The following MOB2 variants were observed in gnomAD, a reference collection of about 807,000 sequenced individuals.
The protein encoded by MOB2 is MOB2 Mps One Binder homolog.
MOB2 carries 14 observed loss-of-function variants against 27.4 expected under a neutral mutation model. The observed-to-expected ratio is 0.51, with a 90% CI of 0.34 to 0.80. MOB2 has a LOEUF of 0.80. MOB2 is among the 30% of genes least tolerant of loss of function. The pLI, the probability that MOB2 is intolerant of heterozygous loss-of-function variation, is 0.01. For synonymous variants in MOB2, 167 were observed against 151.8 expected, an observed-to-expected ratio of 1.10 and a Z score of -0.74; for missense variants, 304 against 354.6, an observed-to-expected ratio of 0.86 and a Z score of 1.15.
rs78699039 is a variant in MOB2 at position 1,478,593 on chromosome 11, G to A, written c.365+1800C>T. On this transcript the variant is annotated intron_variant, in intron 3 of 4. Coordinates refer to ENST00000329957, the MANE Select transcript of MOB2 (RefSeq NM_001172223.3). Reference sequence around the variant, plus strand: ...CGCCGTCTGACTGCTGACAGAGGATGGCTGCCAAGGGCTTTTTCTTTGCCC... The same window carrying A: ...CGCCGTCTGACTGCTGACAGAGGATAGCTGCCAAGGGCTTTTTCTTTGCCC... Among the ~76,000 whole-genome samples the A allele has an allele frequency of 3.6e-3, 553 of 152,288 alleles. 4 individuals are homozygous for A. The highest frequency in any genetic ancestry group is 0.027 in the East Asian group (140 of 5,180).
chr11:1,482,749 G>A (rs1847928238), intron 1 of MOB2, among the ~76,000 whole-genome samples: 1 of 152,228 alleles, frequency 6.6e-6, no homozygotes, highest in Non-Finnish European at 1.5e-5. Flanking sequence ...TGGGGCAGGT[G>A]GACGGGCACT....
chr11:1,474,534 T>A (rs1411898667), intron 3 of MOB2, among the ~76,000 whole-genome samples: 1 of 152,236 alleles, frequency 6.6e-6, no homozygotes, highest in Non-Finnish European at 1.5e-5. Context: ...AATGACTGCT[T>A]TTCCCAGCAG....
chr11:1,482,971 C>T (rs1380493845), intron 1 of MOB2, among the ~76,000 whole-genome samples: 1 of 152,224 alleles, frequency 6.6e-6, no homozygotes, highest in Non-Finnish European at 1.5e-5. Flanking sequence ...CTGAGGCAGC[C>T]CATTGCTCGG....
At chr11:1,478,577 ACTG>A (rs1046710614) in intron 3 of MOB2, among the ~76,000 whole-genome samples, 7 of 152,148 alleles carry the variant, frequency 4.6e-5, no homozygotes, top group African/African-American at 1.7e-4. Context: ...CCGCCGTCTG[ACTG>A]CTGACAGAGG....
At chr11:1,482,816 C>T (rs548545243) in intron 1 of MOB2, among the ~76,000 whole-genome samples, 130 of 152,366 alleles carry the variant, frequency 8.5e-4, no homozygotes, top group African/African-American at 2.9e-3. Context: ...GCTCCAGGAA[C>T]GGCTGTGCGG....
chr11:1,476,312 G>A (rs1847851741), intron 3 of MOB2, among the ~76,000 whole-genome samples: 1 of 152,154 alleles, frequency 6.6e-6, no homozygotes, highest in South Asian at 2.1e-4. Flanking sequence ...GCCTATCTTA[G>A]GCGAGTTCTG....
intron 3 of MOB2, among the ~76,000 whole-genome samples, chr11:1,479,858 C>T (rs573220121): frequency 2.6e-5 from 4 of 152,366 alleles, no homozygotes; most frequent in African/African-American, 9.6e-5. Flanking sequence ...GGCCTGGCGG[C>T]GCTCCTTCCC....
intron 3 of MOB2, among the ~76,000 whole-genome samples, chr11:1,476,387 G>C (rs1489180423): frequency 6.6e-6 from 1 of 152,120 alleles, no homozygotes; most frequent in Non-Finnish European, 1.5e-5. Flanking sequence ...GTGCACAGAG[G>C]GTTTTTTTCC....
At chr11:1,481,717 GGGGC>G in intron 1 of MOB2, 1 of 7,472 alleles carries the variant, frequency 1.3e-4, no homozygotes, top group Admixed American at 8.9e-4. Context: ...GGCAGGAGCA[GGGGC>G]AGGGGCAGGG....
chr11:1,486,249 C>A (rs893972377), intron 1 of MOB2, among the ~76,000 whole-genome samples, 198 bp downstream of exon 1: 2 of 152,208 alleles, frequency 1.3e-5, no homozygotes, highest in African/African-American at 4.8e-5. Context: ...CAGGCTGGCC[C>A]GGGACTGCAC....
intron 3 of MOB2, among the ~76,000 whole-genome samples, chr11:1,478,271 T>C (rs1847874273): frequency 6.6e-6 from 1 of 152,238 alleles, no homozygotes. Flanking sequence ...GCACAGGCAC[T>C]GCCGGACACT....
At chr11:1,474,617 G>A (rs1049563079) in intron 3 of MOB2, among the ~76,000 whole-genome samples, 1 of 152,184 alleles carries the variant, frequency 6.6e-6, no homozygotes. Context: ...GGCCCCGTTT[G>A]TGTGGGTCTA....
intron 3 of MOB2, among the ~76,000 whole-genome samples, chr11:1,474,993 C>A (rs1457652924): frequency 6.6e-6 from 1 of 152,212 alleles, no homozygotes; most frequent in Non-Finnish European, 1.5e-5. Flanking sequence ...ATTGAGACTG[C>A]ACTAAATCAA....
intron 2 of MOB2, 77 bp from the exon 3 acceptor site, chr11:1,480,563 A>G: frequency 6.5e-7 from 1 of 1,549,164 alleles, no homozygotes; most frequent in Non-Finnish European, 8.9e-7. Context: ...TTCCAGCAAC[A>G]GGTGCAGGAG....
chr11:1,476,705 T>C (rs529926003), intron 3 of MOB2, among the ~76,000 whole-genome samples: 85 of 152,394 alleles, frequency 5.6e-4, no homozygotes, highest in African/African-American at 1.8e-3. Flanking sequence ...CTGAAAGTCA[T>C]CTTCTTTTTC....
chr11:1,484,148 C>G (rs1847945205), intron 1 of MOB2, among the ~76,000 whole-genome samples: 1 of 152,214 alleles, frequency 6.6e-6, no homozygotes, highest in Admixed American at 6.5e-5. Context: ...GACCCCCACT[C>G]GCCCAGAGCA....
chr11:1,469,764 A>C lies in MOB2; in HGVS notation c.*408T>G, dbSNP rs1590759428. ...GAGGGTCTCTGTGAAAGCAAGCCCC[A>C]CCCCCAGAGCAGAGCAGAGACCCAG... is the stretch of plus-strand genomic sequence containing the variant. On this transcript the variant is annotated 3_prime_UTR_variant, in exon 5 of 5. Coordinates refer to ENST00000329957, the MANE Select transcript of MOB2 (RefSeq NM_001172223.3). 2.1e-6 allele frequency: 1 copy of C among 475,626 alleles called. No individual in the cohort carries two copies. Among genetic ancestry groups the C allele is most frequent in the Non-Finnish European group, 4.2e-6 (1 of 240,330 alleles). The allele number at this position is 475,626 out of a possible 1,614,324, so 29.5% of individuals were successfully genotyped here. A position where few individuals can be genotyped will look rare whatever the true frequency, so the allele number is the denominator to read the frequency against.
chr11:1,471,583 T>A, intron 3 of MOB2, 164 bp from the exon 4 acceptor site: 1 of 758,922 alleles, frequency 1.3e-6, no homozygotes, highest in Non-Finnish European at 2.1e-6. Context: ...CCCCACACAC[T>A]GTCTGCGGGG....
chr11:1,469,750 T>C lies in MOB2; in HGVS notation c.*422A>G. The C allele has an allele frequency of 2.1e-6, 1 of 469,770 alleles. No individual in the cohort carries two copies. The highest frequency in any genetic ancestry group is 4.2e-6 in the Non-Finnish European group (1 of 236,320). 29.1% of individuals were successfully genotyped at this position (469,770 alleles called of 1,614,324 possible). The stretch of plus-strand genomic sequence containing the variant: ...GGGTGAGAGGGAAGGAGGGTCTCTG[T>C]GAAAGCAAGCCCCACCCCCAGAGCA... On this transcript the variant is annotated 3_prime_UTR_variant, in exon 5 of 5. Transcript: ENST00000329957.
Sources: gnomAD v4.1 joint callset for allele counts (sites outside exome capture counted in the v4.1 genomes callset) on GRCh38, gnomAD v4.1.1 for gene constraint, MANE v1.5 for transcripts, NCBI Gene and HGNC (gene_info 2026-07-23, HGNC 2026-07-21) for gene names.